RANBP2: variants seen among roughly 807,000 people sequenced by gnomAD.
RANBP2 encodes E3 SUMO-protein ligase RanBP2.
Under a neutral mutation model 303.6 loss-of-function variants are expected in RANBP2, and 57 were observed. The observed-to-expected ratio is 0.19, with a 90% confidence interval of 0.15 to 0.23. RANBP2 has a LOEUF of 0.23. Ranked by LOEUF, RANBP2 falls within the 10% of genes least tolerant of loss-of-function variation. The pLI, the probability that RANBP2 is intolerant of heterozygous loss-of-function variation, is 1.00. For synonymous variants in RANBP2, 1,167 were observed against 1,301.5 expected, an observed-to-expected ratio of 0.90 and a Z score of 2.23; for missense variants, 3,138 against 3,780.8, an observed-to-expected ratio of 0.83 and a Z score of 4.46.
the RANBP2 span, among the ~76,000 whole-genome samples, chr2:109,415,414 TG>T: frequency 3.9e-5 from 6 of 152,180 alleles, no homozygotes; most frequent in African/African-American, 1.4e-4. Flanking sequence ...TGCTCAGAGC[TG>T]GGCCCAGCCA....
chr2:109,554,171 G>A, the RANBP2 span, among the ~76,000 whole-genome samples: 3 of 152,134 alleles, frequency 2.0e-5, no homozygotes, highest in African/African-American at 7.2e-5. Context: ...TGGTGCATCA[G>A]TGAGTGATGG....
the RANBP2 span, among the ~76,000 whole-genome samples, chr2:108,842,216 T>G: frequency 7.9e-5 from 12 of 152,100 alleles, no homozygotes; most frequent in African/African-American, 2.6e-4. Context: ...TTTTTTTTTT[T>G]TTGATAGAGG....
At chr2:108,910,617 G>T in the RANBP2 span, 1 of 1,407,830 alleles carries the variant, frequency 7.1e-7, no homozygotes, top group Non-Finnish European at 1.0e-6. Flanking sequence ...TCTTCCTGTT[G>T]GGCAGAGCTG....
chr2:109,038,506 C>A, the RANBP2 span, among the ~76,000 whole-genome samples: 1 of 151,832 alleles, frequency 6.6e-6, no homozygotes, highest in African/African-American at 2.4e-5. Flanking sequence ...AACCCGGTCT[C>A]TAAATAAATA....
chr2:109,016,238 C>T, the RANBP2 span, among the ~76,000 whole-genome samples: 3 of 151,880 alleles, frequency 2.0e-5, no homozygotes, highest in Non-Finnish European at 2.9e-5. Flanking sequence ...CCGGCCACCA[C>T]GCCCGGCTAA....
At position 108,752,981 on chromosome 2, in the gene RANBP2, T is replaced by C. The variant is rs1487742468; in HGVS notation, c.1756-17T>C. The C allele has an allele frequency of 1.2e-6, 2 of 1,607,008 alleles. No homozygotes were observed. Among genetic ancestry groups the C allele is most frequent in the Non-Finnish European group, 1.7e-6 (2 of 1,177,806 alleles). On this transcript the variant is annotated splice_polypyrimidine_tract_variant and intron_variant, in intron 12 of 28. Transcript: ENST00000283195. ...GCGTGTTCCTTAAAGTTGTGTGCTT[T>C]TAACTTTCTTTTTTAGGGCAGCGGT... is the stretch of plus-strand genomic sequence containing the variant.
chr2:109,246,827 G>A, the RANBP2 span, among the ~76,000 whole-genome samples: 8 of 152,292 alleles, frequency 5.3e-5, no homozygotes, highest in East Asian at 1.9e-4. Context: ...GCTCATCCAC[G>A]TGCTTCTGTT....
At chr2:109,350,070 G>T in the RANBP2 span, among the ~76,000 whole-genome samples, 2 of 152,270 alleles carry the variant, frequency 1.3e-5, no homozygotes, top group Non-Finnish European at 2.9e-5. Context: ...GGCAGGCCGG[G>T]CATTTAGTGT....
chr2:109,659,426 C>T, the RANBP2 span, among the ~76,000 whole-genome samples: 1 of 152,184 alleles, frequency 6.6e-6, no homozygotes, highest in Non-Finnish European at 1.5e-5. Flanking sequence ...ACAGCACCCC[C>T]GTGGCCCCAG....
At chr2:109,347,116 C>T in the RANBP2 span, among the ~76,000 whole-genome samples, 1 of 152,110 alleles carries the variant, frequency 6.6e-6, no homozygotes, top group Non-Finnish European at 1.5e-5. Context: ...GGAGCATGCT[C>T]GAGTTGCTGT....
the RANBP2 span, among the ~76,000 whole-genome samples, chr2:109,301,378 G>A: frequency 6.6e-6 from 1 of 151,670 alleles, no homozygotes; most frequent in African/African-American, 2.4e-5. Flanking sequence ...TGTGTGGTGG[G>A]GGGACCTTGG....
the RANBP2 span, chr2:109,545,864 G>A: frequency 3.0e-5 from 43 of 1,447,796 alleles, no homozygotes; most frequent in East Asian, 4.8e-5. Flanking sequence ...GCCAGGTGCT[G>A]TTCTGGATGC....
At chr2:109,195,308 C>T in the RANBP2 span, among the ~76,000 whole-genome samples, 4 of 152,166 alleles carry the variant, frequency 2.6e-5, no homozygotes, top group African/African-American at 9.7e-5. Flanking sequence ...ATGTGGCAGG[C>T]AGTTCCTGGG....
the RANBP2 span, chr2:108,812,791 C>G: frequency 1.9e-6 from 3 of 1,611,330 alleles, no homozygotes; most frequent in African/African-American, 1.3e-5. Flanking sequence ...TACAATTGTT[C>G]TTTAATTCAC....
the RANBP2 span, chr2:109,585,728 G>A: frequency 6.2e-7 from 1 of 1,610,486 alleles, no homozygotes; most frequent in African/African-American, 1.3e-5. Context: ...TACCCACACA[G>A]AGAATATTAA....
the RANBP2 span, among the ~76,000 whole-genome samples, chr2:109,441,270 C>A: frequency 6.6e-6 from 1 of 151,870 alleles, no homozygotes; most frequent in African/African-American, 2.4e-5. Context: ...AAAACTGACC[C>A]CAAATTGACA....
chr2:109,606,733 G>A, the RANBP2 span, among the ~76,000 whole-genome samples: 18 of 131,490 alleles, frequency 1.4e-4, no homozygotes, highest in African/African-American at 5.3e-4. Flanking sequence ...AGGCTGGAGT[G>A]CAGTGGTGCA....
chr2:108,882,153 CAAAAAAA>C, the RANBP2 span: 2 of 90,214 alleles, frequency 2.2e-5, no homozygotes, highest in African/African-American at 4.1e-5. Flanking sequence ...GACCCTGTCT[CAAAAAAA>C]AAAAAAAGAA....
chr2:109,221,581 CAAAA>C, the RANBP2 span, among the ~76,000 whole-genome samples: 2 of 63,338 alleles, frequency 3.2e-5, no homozygotes, highest in Non-Finnish European at 4.0e-5. Flanking sequence ...GACTCCATCT[CAAAA>C]AAAAAAAAAA....
Sources: gnomAD v4.1 joint callset for allele counts (sites outside exome capture counted in the v4.1 genomes callset) on GRCh38, gnomAD v4.1.1 for gene constraint, MANE v1.5 for transcripts, NCBI Gene and HGNC (gene_info 2026-07-23, HGNC 2026-07-21) for gene names.